MEIS2: variants seen among roughly 807,000 people sequenced by gnomAD.
MEIS2 encodes the protein homeobox protein Meis2.
A neutral mutation model predicts 58.6 loss-of-function variants in MEIS2; 9 were observed. The observed-to-expected ratio is 0.15, with a 90% CI of 0.09 to 0.27. MEIS2 has a LOEUF of 0.27. Ranked by LOEUF, MEIS2 falls within the 10% of genes least tolerant of loss-of-function variation. The pLI is 1.00. For missense variants in MEIS2, 427 were observed against 635.0 expected, an observed-to-expected ratio of 0.67 and a Z score of 3.52; for synonymous variants, 221 against 228.4, an observed-to-expected ratio of 0.97 and a Z score of 0.29.
At chr15:36,894,170 A>T (rs528745572) in intron 11 of MEIS2, among the ~76,000 whole-genome samples, 121 of 152,154 alleles carry the variant, frequency 8.0e-4, no homozygotes, top group Non-Finnish European at 1.6e-3. Flanking sequence ...ACATGTAAAA[A>T]ATAATCAAAA....
chr15:37,071,543 G>C (rs936862176), intron 7 of MEIS2, among the ~76,000 whole-genome samples: 1 of 151,906 alleles, frequency 6.6e-6, no homozygotes, highest in South Asian at 2.1e-4. Context: ...CAATTATTTT[G>C]AAAGCAACTT....
chr15:37,067,685 C>A (rs1026140680), intron 7 of MEIS2, among the ~76,000 whole-genome samples: 3 of 152,004 alleles, frequency 2.0e-5, no homozygotes, highest in Admixed American at 6.6e-5. Flanking sequence ...CCTCATACTT[C>A]TCCCAGATTT....
At chr15:37,005,390 C>A (rs1007187610) in intron 8 of MEIS2, among the ~76,000 whole-genome samples, 1 of 152,208 alleles carries the variant, frequency 6.6e-6, no homozygotes, top group African/African-American at 2.4e-5. Context: ...ACGAATGGAA[C>A]AATCTAGGTC....
intron 7 of MEIS2, among the ~76,000 whole-genome samples, chr15:37,074,663 C>T (rs1287828643): frequency 1.3e-5 from 2 of 151,896 alleles, no homozygotes; most frequent in South Asian, 2.1e-4. Context: ...GTTACTGGTT[C>T]CAGGCAATGT....
At position 37,100,152 on chromosome 15, in the gene MEIS2, A is replaced by C. The variant is rs1894924540; in HGVS notation, c.-686T>G. 1 of 141,008 alleles carries C rather than the reference A, an allele frequency of 7.1e-6. No individual in the cohort carries two copies. The highest frequency in any genetic ancestry group is 7.5e-5 in the Admixed American group (1 of 13,248). The allele number at this position is 141,008 out of a possible 1,614,324, so 8.7% of individuals were successfully genotyped here. ...CCTCTCTCTTTAAAGTATTGTTCAAAGAAAGCAGTGAGAAAAATCAAGAAA... is the reference window on the plus strand; with the variant it reads ...CCTCTCTCTTTAAAGTATTGTTCAACGAAAGCAGTGAGAAAAATCAAGAAA... On this transcript the variant is annotated 5_prime_UTR_variant, in exon 1 of 12. Transcript: ENST00000561208.
chr15:37,058,444 T>C (rs1888740901), intron 7 of MEIS2, among the ~76,000 whole-genome samples: 1 of 152,206 alleles, frequency 6.6e-6, no homozygotes, highest in Admixed American at 6.5e-5. Flanking sequence ...AAGCTGGGGC[T>C]GTTTTCAACG....
rs2061569490 is a variant in MEIS2, at chr15:37,022,788, C to T, written c.900+14026G>A. Among the ~76,000 whole-genome samples the T allele has an allele frequency of 2.0e-5, 3 of 152,136 alleles. No individual in the cohort carries two copies. In the South Asian group the frequency reaches 6.2e-4, roughly 32 times the overall value. On this transcript the variant is annotated intron_variant, in intron 8 of 11. Coordinates refer to ENST00000561208, the MANE Select transcript of MEIS2 (RefSeq NM_170675.5). Reference sequence around the variant, plus strand: ...TCTCCTGCCTCAGCCTCCCGAGTAGCTGGGACTACAGGCGCCTGCCAGAAC... The same window carrying T: ...TCTCCTGCCTCAGCCTCCCGAGTAGTTGGGACTACAGGCGCCTGCCAGAAC...
At chr15:37,066,961 T>C (rs987379253) in intron 7 of MEIS2, among the ~76,000 whole-genome samples, 2 of 151,952 alleles carry the variant, frequency 1.3e-5, no homozygotes, top group African/African-American at 4.8e-5. Flanking sequence ...TTGTTTTTTT[T>C]GTAGAGATGG....
intron 7 of MEIS2, among the ~76,000 whole-genome samples, chr15:37,040,713 A>C (rs1041556835): frequency 2.0e-5 from 3 of 152,220 alleles, no homozygotes; most frequent in African/African-American, 7.2e-5. Flanking sequence ...ATAAATGTGC[A>C]TTAGTGAAAC....
rs5811949 is a variant in MEIS2 at position 36,939,546 on chromosome 15, ATT to A, written c.977+10776_977+10777del. On this transcript the variant is annotated intron_variant, in intron 9 of 11. Transcript: ENST00000561208. ...GGAAGGTCTAGCAATAGAGGTCCTT[ATT>A]TTTTTTTTTTAATTTGTTAATGATT... Among the ~76,000 whole-genome samples, 1,320 of 149,812 alleles carry A rather than the reference ATT, an allele frequency of 8.8e-3. 16 individuals carry two copies. The highest frequency in any genetic ancestry group is 0.03 in the African/African-American group (1,220 of 40,852).
At chr15:37,092,361 C>T (rs1893628010) in intron 6 of MEIS2, among the ~76,000 whole-genome samples, 2 of 152,082 alleles carry the variant, frequency 1.3e-5, no homozygotes, top group South Asian at 2.1e-4. Context: ...AAGGTTTATA[C>T]TAAGGCATCC....
chr15:36,973,465 A>C (rs189876084), intron 8 of MEIS2, among the ~76,000 whole-genome samples: 56 of 152,362 alleles, frequency 3.7e-4, no homozygotes, highest in Non-Finnish European at 2.8e-4. Flanking sequence ...TTAGATCTGC[A>C]TTCTTCTAAT....
At chr15:37,050,293 A>T (rs1256124415) in intron 7 of MEIS2, among the ~76,000 whole-genome samples, 1 of 152,192 alleles carries the variant, frequency 6.6e-6, no homozygotes, top group Non-Finnish European at 1.5e-5. Context: ...TCATATTCTT[A>T]GAACTTCATA....
intron 9 of MEIS2, among the ~76,000 whole-genome samples, chr15:36,915,761 T>C (rs565248331): frequency 4.6e-5 from 7 of 152,358 alleles, no homozygotes; most frequent in East Asian, 1.9e-4. Context: ...GGATTTAGTC[T>C]CTTGACTAAA....
At chr15:37,042,055 G>A (rs755774979) in intron 7 of MEIS2, among the ~76,000 whole-genome samples, 3 of 152,052 alleles carry the variant, frequency 2.0e-5, no homozygotes, top group African/African-American at 7.2e-5. Context: ...GCAGATTGAG[G>A]TGGGAGGATG....
intron 7 of MEIS2, among the ~76,000 whole-genome samples, chr15:37,049,463 G>A (rs985561857): frequency 2.7e-5 from 4 of 149,838 alleles, no homozygotes; most frequent in African/African-American, 9.7e-5. Flanking sequence ...TAAAGTTGTG[G>A]TTTTGTTTTT....
intron 8 of MEIS2, among the ~76,000 whole-genome samples, chr15:37,002,445 A>G (rs2060765335): frequency 6.6e-6 from 1 of 152,064 alleles, no homozygotes; most frequent in African/African-American, 2.4e-5. Context: ...ACATATTCAC[A>G]TTTTATCTCT....
intron 9 of MEIS2, among the ~76,000 whole-genome samples, chr15:36,933,990 A>G (rs762094500): frequency 2.0e-5 from 3 of 152,182 alleles, no homozygotes; most frequent in Admixed American, 6.5e-5. Flanking sequence ...AACATTAATA[A>G]AATATTTGTC....
intron 8 of MEIS2, among the ~76,000 whole-genome samples, chr15:36,998,236 G>GTTTTTTTTTTTTTTTTTTTTTTTTTT (rs5811954): frequency 1.5e-5 from 1 of 66,772 alleles, no homozygotes; most frequent in Non-Finnish European, 2.7e-5. Flanking sequence ...AAAACACAAA[G>GTTTTTTTTTTTTTTTTTTTTTTTTTT]TTTTTTTTTT....
Sources: gnomAD v4.1 joint callset for allele counts (sites outside exome capture counted in the v4.1 genomes callset) on GRCh38, gnomAD v4.1.1 for gene constraint, MANE v1.5 for transcripts, NCBI Gene and HGNC (gene_info 2026-07-23, HGNC 2026-07-21) for gene names.